Variants in FBRSL1 observed in about 807,000 individuals in gnomAD.
FBRSL1 encodes fibrosin like 1, also known as fibrosin-1-like protein.
In FBRSL1, 51 loss-of-function variants were observed where a neutral mutation model predicts 89.6. That is an observed-to-expected ratio of 0.57 (90% CI 0.45 to 0.72). The LOEUF is 0.72. FBRSL1 is among the 30% of genes least tolerant of loss of function. The pLI is 0.00. For synonymous variants in FBRSL1, 779 were observed against 681.1 expected, an observed-to-expected ratio of 1.14 and a Z score of -2.24; for missense variants, 1,618 against 1,451.8, an observed-to-expected ratio of 1.11 and a Z score of -1.86.
At chr12:132,560,496 G>A (rs1181273138) in intron 5 of FBRSL1, among the ~76,000 whole-genome samples, 1 of 151,922 alleles carries the variant, frequency 6.6e-6, no homozygotes, top group Non-Finnish European at 1.5e-5. Flanking sequence ...GAGCGTTGTG[G>A]GTGGCGCGCG....
chr12:132,538,461 G>T (rs1239371577), intron 4 of FBRSL1, among the ~76,000 whole-genome samples: 1 of 152,200 alleles, frequency 6.6e-6, no homozygotes, highest in Admixed American at 6.5e-5. Flanking sequence ...ACTGTGCCAG[G>T]TGCACTGAGT....
Position 132,515,530 on chromosome 12 carries a change from CA to C in FBRSL1, c.489+7195del, listed in dbSNP as rs71274843. On this transcript the variant is annotated intron_variant, in intron 2 of 18. Coordinates refer to ENST00000680143, the MANE Select transcript of FBRSL1 (RefSeq NM_001367871.1). ...ATCTTAAGGTTTTACCTTAAGAAAC[CA>C]AAAAAAAAAAAAAATGGAAGGTTTG... Among the ~76,000 whole-genome samples, 1,043 of 128,292 alleles carry C rather than the reference CA, an allele frequency of 8.1e-3. 4 individuals are homozygous for C. The highest frequency in any genetic ancestry group is 0.01 in the East Asian group (47 of 4,598). 84.2% of individuals were successfully genotyped at this position (128,292 alleles called of 152,430 possible).
intron 2 of FBRSL1, chr12:132,510,399 G>A: frequency 4.1e-6 from 5 of 1,231,926 alleles, no homozygotes; most frequent in Non-Finnish European, 5.1e-6. Context: ...CCGATCCTGT[G>A]CCCCCGGGAT....
In FBRSL1 at chr12:132,490,713, G is replaced by A; in HGVS notation, c.143G>A (p.Gly48Asp). ...CCCAGCCCCGGCAAGGAGAACGCGG[G>A]CCTCCGCGGCGCGCCCCCCCGAGGC... ...PEPSPGKENA[G>D]LRGAPPRGAA... Residue 48 changes from glycine (G) to aspartate (D), a missense_variant, in exon 1 of 19, where the codon GGC becomes GAC. Physicochemically the swap from Gly to Asp is moderately conservative, Grantham distance 94. Transcript: ENST00000680143. 4 of 987,742 alleles carry A rather than the reference G, an allele frequency of 4.0e-6. No homozygotes were observed. Among genetic ancestry groups the A allele is most frequent in the Non-Finnish European group, 4.8e-6 (4 of 831,734 alleles). 61.2% of individuals were successfully genotyped at this position (987,742 alleles called of 1,614,324 possible).
intron 2 of FBRSL1, among the ~76,000 whole-genome samples, chr12:132,521,729 T>C (rs2035375513): frequency 6.6e-6 from 1 of 152,192 alleles, no homozygotes; most frequent in South Asian, 2.1e-4. Context: ...AGTTGTGCAC[T>C]GCACCGCTCC....
intron 7 of FBRSL1, 22 bp downstream of exon 7, chr12:132,570,263 G>C (rs955057152): frequency 6.7e-7 from 1 of 1,498,676 alleles, no homozygotes; most frequent in African/African-American, 1.4e-5. Context: ...GCGGGGGACG[G>C]GGCCTGTGTG....
At chr12:132,575,870 C>T (rs1481085295) in intron 14 of FBRSL1, among the ~76,000 whole-genome samples, 2 of 152,240 alleles carry the variant, frequency 1.3e-5, no homozygotes, top group Non-Finnish European at 2.9e-5. Context: ...AGCCTGAGTG[C>T]GGGTCAGAGG....
At chr12:132,564,554 GGTA>G (rs1195139203) in intron 5 of FBRSL1, among the ~76,000 whole-genome samples, 2 of 99,992 alleles carry the variant, frequency 2.0e-5, no homozygotes, top group Non-Finnish European at 3.8e-5. Context: ...GGAGTCCAGT[GGTA>G]CGATCTCAGC....
chr12:132,576,312 C>T (rs1256920882), intron 14 of FBRSL1, among the ~76,000 whole-genome samples: 2 of 151,948 alleles, frequency 1.3e-5, no homozygotes, highest in Non-Finnish European at 2.9e-5. Context: ...CCTGTCTCAG[C>T]CTCCTGAGCA....
rs1269520007 is a variant in FBRSL1 at position 132,532,905 on chromosome 12, C to A, written c.615+4917C>A. On this transcript the variant is annotated intron_variant, in intron 4 of 18. Coordinates refer to ENST00000680143, the MANE Select transcript of FBRSL1 (RefSeq NM_001367871.1). ...CCAGGTGGGACACTGCAGATGCCCA[C>A]CAGCCGCTGGGGTCCCGCTGCCCTC... Among the ~76,000 whole-genome samples the A allele has an allele frequency of 2.0e-5, 3 of 152,324 alleles. No individual in the cohort carries two copies. The East Asian group carries it at 5.8e-4, about 29-fold the overall frequency.
Position 132,583,168 on chromosome 12 carries a change from C to T in FBRSL1, c.2399C>T (p.Ala800Val). 1 of 1,457,700 alleles carries T rather than the reference C, an allele frequency of 6.9e-7. No individual in the cohort carries two copies. The highest frequency in any genetic ancestry group is 9.0e-7 in the Non-Finnish European group (1 of 1,108,920). The allele number at this position is 1,457,700 out of a possible 1,614,324, so 90.3% of individuals were successfully genotyped here. A position where few individuals can be genotyped will look rare whatever the true frequency, so the allele number is the denominator to read the frequency against. ...KEEAAKMPAR[A>V]SPPHSKAAPG... ...GAGGCCGCCAAGATGCCCGCGCGCG[C>T]ATCCCCGCCCCACAGCAAGGCGGCC... is the stretch of plus-strand genomic sequence containing the variant. The change falls in exon 19 of 19, where the codon GCA becomes GTA. Residue 800 changes from alanine (A) to valine (V), a missense_variant. Coordinates refer to ENST00000680143, the MANE Select transcript of FBRSL1 (RefSeq NM_001367871.1).
At chr12:132,500,381 G>T (rs140311582) in intron 1 of FBRSL1, among the ~76,000 whole-genome samples, 1 of 152,106 alleles carries the variant, frequency 6.6e-6, no homozygotes, top group South Asian at 2.1e-4. Context: ...TGTCTACACT[G>T]CTGGCGAGTG....
intron 1 of FBRSL1, chr12:132,507,467 A>G (rs1593271057): frequency 1.0e-6 from 1 of 973,826 alleles, no homozygotes; most frequent in Non-Finnish European, 1.2e-6. Flanking sequence ...GGCAGGGCGG[A>G]GGCTGGAGTG....
Position 132,574,419 on chromosome 12 carries a change from G to C in FBRSL1, c.1629+71G>C, listed in dbSNP as rs376038505. On this transcript the variant is annotated intron_variant, in intron 13 of 18. Transcript: ENST00000680143. ...CCCCCGGGGCGGCCTCGGGGGGCCC[G>C]TGACAGCAGGAGTCTGCAGAAAACA... The C allele has an allele frequency of 1.9e-6, 3 of 1,548,264 alleles. No homozygotes were observed. The Admixed American group carries it at 5.9e-5, about 31-fold the overall frequency.
intron 4 of FBRSL1, among the ~76,000 whole-genome samples, chr12:132,531,828 G>C (rs2036315326): frequency 6.6e-6 from 1 of 152,230 alleles, no homozygotes; most frequent in African/African-American, 2.4e-5. Flanking sequence ...TCATCACCTG[G>C]TCTGGTTTTA....
rs927379862 is a variant in FBRSL1, at chr12:132,511,460, C to T, written c.489+3110C>T. ...ACCCCCTCAGGACCTGGTCTCAAGG[C>T]AGCCCCACTCGAGTCTTCTGGAGTC... On this transcript the variant is annotated intron_variant, in intron 2 of 18. Transcript: ENST00000680143. The T allele has an allele frequency of 1.7e-5, 17 of 986,064 alleles. No homozygotes were observed. In the African/African-American group the frequency reaches 2.8e-4, roughly 16 times the overall value. 61.1% of individuals were successfully genotyped at this position (986,064 alleles called of 1,614,324 possible). A position where few individuals can be genotyped will look rare whatever the true frequency, so the allele number is the denominator to read the frequency against.
chr12:132,569,781 C>G, intron 6 of FBRSL1, 145 bp from the exon 7 acceptor site: 2 of 569,730 alleles, frequency 3.5e-6, no homozygotes, highest in Non-Finnish European at 5.4e-6. Flanking sequence ...GTGTGGCCTC[C>G]GTGCCTGCCT....
chr12:132,565,508 T>TGTACACGTACCCGAGTGTGCTCAC (rs545420447), intron 5 of FBRSL1: 2 of 30,690 alleles, frequency 6.5e-5, no homozygotes, highest in African/African-American at 5.4e-4. Flanking sequence ...ACTGTCCTCA[T>TGTACACGTACCCGAGTGTGCTCAC]GTACACGTAC....
chr12:132,571,404 G>A (rs1031339536), intron 9 of FBRSL1, 173 bp downstream of exon 9: 12 of 1,550,962 alleles, frequency 7.7e-6, no homozygotes, highest in African/African-American at 4.1e-5. Flanking sequence ...TGCTGCGGGC[G>A]GAGTTCCATC....
Sources: allele counts gnomAD v4.1 joint callset (sites outside exome capture counted in the v4.1 genomes callset), GRCh38; gene constraint gnomAD v4.1.1; transcripts MANE v1.5; gene names NCBI Gene and HGNC (gene_info 2026-07-23, HGNC 2026-07-21).